CNGB3: variants seen among roughly 807,000 people sequenced by gnomAD.
The protein encoded by CNGB3 is cyclic nucleotide-gated channel beta-3.
CNGB3 carries 86 observed loss-of-function variants against 92.8 expected under a neutral mutation model. The ratio of observed to expected loss-of-function variants is 0.93; its 90% CI spans 0.78 to 1.11. CNGB3 has a LOEUF of 1.11. Among genes scored for constraint, CNGB3 ranks in the 50% least tolerant of loss-of-function variants. The pLI, the probability that CNGB3 is intolerant of heterozygous loss-of-function variation, is 0.00. For synonymous variants in CNGB3, 333 were observed against 332.7 expected (o/e 1.00, Z -0.01); for missense variants, 1,026 against 956.8 (o/e 1.07, Z -0.95).
At chr8:86,611,444 G>C in intron 14 of CNGB3, 144 bp downstream of exon 14, 1 of 689,562 alleles carries the variant, frequency 1.5e-6, no homozygotes, top group Non-Finnish European at 2.7e-6. Flanking sequence ...GCACGTTATT[G>C]CTGTACAGAG....
chr8:86,690,657 G>A (rs1412238114), intron 3 of CNGB3, among the ~76,000 whole-genome samples: 2 of 152,084 alleles, frequency 1.3e-5, no homozygotes, highest in Non-Finnish European at 2.9e-5. Flanking sequence ...GAATGATATT[G>A]CCTAGGTTTT....
At chr8:86,668,956 C>T (rs192276116) in intron 4 of CNGB3, among the ~76,000 whole-genome samples, 1 of 152,038 alleles carries the variant, frequency 6.6e-6, no homozygotes, top group Admixed American at 6.5e-5. Context: ...GAGTTAGAGG[C>T]GGCAGTCAGC....
chr8:86,616,190 CTTT>C (rs2131571778), intron 13 of CNGB3, among the ~76,000 whole-genome samples: 2 of 152,250 alleles, frequency 1.3e-5, no homozygotes, highest in South Asian at 4.1e-4. Flanking sequence ...CTAAATATGA[CTTT>C]TTATTAACAT....
chr8:86,577,419 T>A (rs909655309), intron 17 of CNGB3, among the ~76,000 whole-genome samples: 9 of 152,242 alleles, frequency 5.9e-5, no homozygotes, highest in Admixed American at 3.3e-4. Context: ...TATTTATATA[T>A]CCATATGTAT....
chr8:86,644,711 C>G, intron 8 of CNGB3, 25 bp from the exon 9 acceptor site: 1 of 1,439,304 alleles, frequency 6.9e-7, no homozygotes, highest in East Asian at 2.4e-5. Context: ...AAAAGAAATC[C>G]AAAAGCATGT....
At chr8:86,654,737 T>C (rs992506255) in intron 6 of CNGB3, among the ~76,000 whole-genome samples, 7 of 152,202 alleles carry the variant, frequency 4.6e-5, no homozygotes, top group African/African-American at 1.4e-4. Context: ...AATCCCACTC[T>C]TAGTTTACTT....
intron 2 of CNGB3, among the ~76,000 whole-genome samples, chr8:86,729,398 A>G (rs1825121761): frequency 6.6e-6 from 1 of 152,214 alleles, no homozygotes; most frequent in South Asian, 2.1e-4. Context: ...CATTTGGATA[A>G]AATTAATTCT....
chr8:86,597,630 A>G (rs539765775), intron 15 of CNGB3, among the ~76,000 whole-genome samples: 1 of 152,114 alleles, frequency 6.6e-6, no homozygotes, highest in African/African-American at 2.4e-5. Flanking sequence ...ACTCCCTGTG[A>G]CTGGATAGAG....
rs3824163 is a variant in CNGB3, at chr8:86,660,150, G to C, written c.853-6088C>G. On this transcript the variant is annotated intron_variant, in intron 6 of 17. Coordinates refer to ENST00000320005, the MANE Select transcript of CNGB3 (RefSeq NM_019098.5). ...CTCAGGTGAATGGCAACCACCAGAA[G>C]TGGTTGTCTCAGGATTGCTGCCATT... is the stretch of plus-strand genomic sequence containing the variant. 1.6e-3 allele frequency: 481 copies of C among 309,114 alleles called. 4 individuals are homozygous for C. In the East Asian group the frequency reaches 0.03, roughly 19 times the overall value. The allele number at this position is 309,114 out of a possible 1,614,324, so 19.1% of individuals were successfully genotyped here.
chr8:86,734,318 C>A (rs570366291), intron 2 of CNGB3, among the ~76,000 whole-genome samples: 1 of 152,234 alleles, frequency 6.6e-6, no homozygotes, highest in Admixed American at 6.5e-5. Flanking sequence ...TGGAATTGTG[C>A]TAGACTTGGA....
chr8:86,657,945 C>T, intron 6 of CNGB3: 1 of 552,738 alleles, frequency 1.8e-6, no homozygotes, highest in Non-Finnish European at 3.6e-6. Context: ...CCCTGGCCTC[C>T]CCCTCACTGA....
At chr8:86,685,213 G>A (rs767933906) in intron 3 of CNGB3, among the ~76,000 whole-genome samples, 1 of 151,924 alleles carries the variant, frequency 6.6e-6, no homozygotes, top group Non-Finnish European at 1.5e-5. Context: ...CATAAAAAAG[G>A]CCTCACTAAC....
intron 13 of CNGB3, among the ~76,000 whole-genome samples, chr8:86,615,044 G>T (rs116663725): frequency 2.0e-5 from 3 of 152,012 alleles, no homozygotes; most frequent in African/African-American, 4.8e-5. Context: ...CGAAAAATAC[G>T]GTATAACTAC....
Position 86,676,898 on chromosome 8 carries a change from A to T in CNGB3, c.339-5800T>A, listed in dbSNP as rs141352607. Among the ~76,000 whole-genome samples the T allele has an allele frequency of 4.1e-3, 628 of 152,340 alleles. 7 individuals are homozygous for T. Among genetic ancestry groups the T allele is most frequent in the African/African-American group, 0.014 (597 of 41,580 alleles). On this transcript the variant is annotated intron_variant, in intron 3 of 17. Transcript: ENST00000320005. Reference sequence around the variant, plus strand: ...GCCTTTCCTATTTTTGCATCTGCTCATGAATATAGTAATTTACATATAGTT... The same window carrying T: ...GCCTTTCCTATTTTTGCATCTGCTCTTGAATATAGTAATTTACATATAGTT...
intron 12 of CNGB3, among the ~76,000 whole-genome samples, chr8:86,627,943 TGAG>T (rs1212520199): frequency 6.6e-6 from 1 of 152,216 alleles, no homozygotes; most frequent in Non-Finnish European, 1.5e-5. Context: ...ACAGTGAAGA[TGAG>T]GAGGATGAAG....
At chr8:86,604,236 A>T in intron 14 of CNGB3, 25 bp from the exon 15 acceptor site, 1 of 1,398,654 alleles carries the variant, frequency 7.1e-7, no homozygotes, top group Non-Finnish European at 1.0e-6. Flanking sequence ...TAAAGAGGAA[A>T]TGGTAGTTAC....
intron 15 of CNGB3, among the ~76,000 whole-genome samples, chr8:86,599,980 G>C (rs909898558): frequency 6.6e-6 from 1 of 152,132 alleles, no homozygotes; most frequent in African/African-American, 2.4e-5. Context: ...TTTGTGGCTT[G>C]TGGGACATCA....
rs941477483 is a variant in CNGB3, at chr8:86,578,880, A to G, written c.1929-17T>C. The G allele has an allele frequency of 1.9e-6, 3 of 1,614,164 alleles. No individual in the cohort carries two copies. The highest frequency in any genetic ancestry group is 8.5e-7 in the Non-Finnish European group (1 of 1,180,016). ...AAAAGCACTCTGTGGGTAAGAGAGA[A>G]AAGCTGTTTTAGGTAACTCTGTGAG... is the stretch of plus-strand genomic sequence containing the variant. On this transcript the variant is annotated splice_polypyrimidine_tract_variant and intron_variant, in intron 16 of 17. Transcript: ENST00000320005.
At chr8:86,661,948 A>C in intron 6 of CNGB3, 5 of 651,216 alleles carry the variant, frequency 7.7e-6, no homozygotes, top group South Asian at 3.6e-5. Context: ...GAAGAGGCTC[A>C]ACCCATCATG....
Sources: allele counts gnomAD v4.1 joint callset (sites outside exome capture counted in the v4.1 genomes callset), GRCh38; gene constraint gnomAD v4.1.1; transcripts MANE v1.5; gene names NCBI Gene and HGNC (gene_info 2026-07-23, HGNC 2026-07-21).